ARHGAP24: variants seen among roughly 807,000 people sequenced by gnomAD.
ARHGAP24 encodes the protein Rho GTPase activating protein 24.
ARHGAP24 carries 50 observed loss-of-function variants against 76.4 expected under a neutral mutation model. The ratio of observed to expected loss-of-function variants is 0.65; its 90% CI spans 0.52 to 0.83. The LOEUF (loss-of-function observed/expected upper bound fraction) is 0.83, where lower values mean the gene tolerates loss of function less well. Among genes scored for constraint, ARHGAP24 ranks in the 40% least tolerant of loss-of-function variants. The pLI, the probability that ARHGAP24 is intolerant of heterozygous loss-of-function variation, is 0.00. For missense variants in ARHGAP24, 930 were observed against 914.2 expected (o/e 1.02, Z -0.22); for synonymous variants, 345 against 323.3 (o/e 1.07, Z -0.72).
intron 3 of ARHGAP24, among the ~76,000 whole-genome samples, chr4:85,789,594 G>A (rs1359751674): frequency 1.3e-5 from 2 of 152,158 alleles, no homozygotes; most frequent in Admixed American, 1.3e-4. Context: ...GAGCCAAGTG[G>A]TAGTACAGAA....
intron 3 of ARHGAP24, among the ~76,000 whole-genome samples, chr4:85,775,057 A>G (rs1461888084): frequency 6.6e-6 from 1 of 152,210 alleles, no homozygotes; most frequent in Non-Finnish European, 1.5e-5. Context: ...AACATGGTTC[A>G]ACTGACTACT....
chr4:85,921,389 G>A (rs1338886359), intron 3 of ARHGAP24, among the ~76,000 whole-genome samples: 2 of 152,100 alleles, frequency 1.3e-5, no homozygotes, highest in East Asian at 1.9e-4. Context: ...CTATCAAAGG[G>A]TGGAAGGTGG....
chr4:85,552,488 A>G (rs1047559109), intron 1 of ARHGAP24, among the ~76,000 whole-genome samples: 2 of 152,102 alleles, frequency 1.3e-5, no homozygotes, highest in African/African-American at 2.4e-5. Flanking sequence ...AGAAGAATGT[A>G]TATTCTGTTG....
intron 2 of ARHGAP24, among the ~76,000 whole-genome samples, chr4:85,690,958 C>T (rs1178350867): frequency 6.6e-6 from 1 of 152,078 alleles, no homozygotes; most frequent in African/African-American, 2.4e-5. Flanking sequence ...TGAGATCTCT[C>T]TACCTTCTTG....
At chr4:85,721,711 T>A (rs1724946159) in intron 2 of ARHGAP24, among the ~76,000 whole-genome samples, 174 bp from the exon 3 acceptor site, 1 of 152,178 alleles carries the variant, frequency 6.6e-6, no homozygotes, top group Non-Finnish European at 1.5e-5. Flanking sequence ...TCGTTAAATC[T>A]TGAGTGAACA....
intron 1 of ARHGAP24, among the ~76,000 whole-genome samples, chr4:85,481,578 T>G (rs1045248832): frequency 6.6e-5 from 10 of 152,204 alleles, no homozygotes; most frequent in Non-Finnish European, 1.2e-4. Flanking sequence ...GGCCAGTAAC[T>G]GAATCAATCT....
chr4:85,841,421 C>T (rs1284889296), intron 3 of ARHGAP24, among the ~76,000 whole-genome samples: 5 of 152,186 alleles, frequency 3.3e-5, no homozygotes, highest in African/African-American at 2.4e-5. Context: ...GTCATCTAAT[C>T]GCTTCAATTT....
At chr4:85,488,888 G>A (rs1723253758) in intron 1 of ARHGAP24, among the ~76,000 whole-genome samples, 1 of 152,140 alleles carries the variant, frequency 6.6e-6, no homozygotes, top group South Asian at 2.1e-4. Context: ...ATCTTTGAAA[G>A]CATTTTTATG....
At chr4:85,604,866 C>T (rs942123584) in intron 2 of ARHGAP24, among the ~76,000 whole-genome samples, 1 of 152,138 alleles carries the variant, frequency 6.6e-6, no homozygotes, top group Non-Finnish European at 1.5e-5. Context: ...GTTTGCACCA[C>T]TACACCCAGC....
chr4:85,640,516 C>G (rs1290160060), intron 2 of ARHGAP24, among the ~76,000 whole-genome samples: 1 of 152,138 alleles, frequency 6.6e-6, no homozygotes, highest in Non-Finnish European at 1.5e-5. Flanking sequence ...TTTAAAACAT[C>G]CTACCTTAAG....
intron 2 of ARHGAP24, among the ~76,000 whole-genome samples, chr4:85,652,787 G>C (rs909861308): frequency 1.3e-5 from 2 of 152,120 alleles, no homozygotes; most frequent in African/African-American, 4.8e-5. Flanking sequence ...CCATGGCAGA[G>C]GCAATTGTTA....
At chr4:85,947,054 G>C (rs1453466866) in intron 5 of ARHGAP24, among the ~76,000 whole-genome samples, 1 of 152,006 alleles carries the variant, frequency 6.6e-6, no homozygotes, top group African/African-American at 2.4e-5. Flanking sequence ...TTTCACTGTG[G>C]TTTTGATATG....
At chr4:85,598,301 T>C (rs1003903831) in intron 2 of ARHGAP24, among the ~76,000 whole-genome samples, 1 of 152,144 alleles carries the variant, frequency 6.6e-6, no homozygotes, top group Non-Finnish European at 1.5e-5. Context: ...AATATGTTGC[T>C]ATTGTCATAT....
chr4:85,886,283 A>G (rs543819207), intron 3 of ARHGAP24, among the ~76,000 whole-genome samples: 1 of 152,198 alleles, frequency 6.6e-6, no homozygotes, highest in Non-Finnish European at 1.5e-5. Flanking sequence ...CAACGTTACC[A>G]TGTGAAATAC....
At chr4:85,906,572 C>T (rs1734777704) in intron 3 of ARHGAP24, among the ~76,000 whole-genome samples, 1 of 152,024 alleles carries the variant, frequency 6.6e-6, no homozygotes, top group Non-Finnish European at 1.5e-5. Context: ...TTGTACTATC[C>T]TAGCTCTAGC....
rs553412580 is a variant in ARHGAP24 at position 85,919,935 on chromosome 4, T to A, written c.269-3713T>A. Among the ~76,000 whole-genome samples the A allele has an allele frequency of 2.9e-4, 44 of 152,370 alleles. No homozygotes were observed. The East Asian group carries it at 5.4e-3, about 19-fold the overall frequency. On this transcript the variant is annotated intron_variant, in intron 3 of 9. Coordinates refer to ENST00000395184, the MANE Select transcript of ARHGAP24 (RefSeq NM_001025616.3). ...GAACTGCGCCATGCTAAATGAAGCA[T>A]CTTTTTATTGTGCCATTTAGTTACT...
At chr4:85,612,083 TACACACACACACAC>T (rs34030905) in intron 2 of ARHGAP24, among the ~76,000 whole-genome samples, 15 of 143,836 alleles carry the variant, frequency 1.0e-4, no homozygotes, top group Admixed American at 2.1e-4. Context: ...TTCATTACAT[TACACACACACACAC>T]ACACACACAC....
intron 3 of ARHGAP24, among the ~76,000 whole-genome samples, chr4:85,777,707 G>A (rs1032618386): frequency 6.6e-6 from 1 of 152,178 alleles, no homozygotes; most frequent in Non-Finnish European, 1.5e-5. Flanking sequence ...GCTATTGCTT[G>A]TCTGTTACAC....
intron 3 of ARHGAP24, among the ~76,000 whole-genome samples, chr4:85,731,951 T>C (rs1725427999): frequency 1.3e-5 from 2 of 152,222 alleles, no homozygotes; most frequent in South Asian, 2.1e-4. Context: ...ACCAATAGTG[T>C]CTTTTATTAC....
Sources: allele counts gnomAD v4.1 joint callset (sites outside exome capture counted in the v4.1 genomes callset), GRCh38; gene constraint gnomAD v4.1.1; transcripts MANE v1.5; gene names NCBI Gene and HGNC (gene_info 2026-07-23, HGNC 2026-07-21).